PTPRD: variants seen among roughly 807,000 people sequenced by gnomAD.
PTPRD encodes receptor-type tyrosine-protein phosphatase delta.
Under a neutral mutation model 214.5 loss-of-function variants are expected in PTPRD, and 34 were observed. The ratio of observed to expected loss-of-function variants is 0.16; its 90% CI spans 0.12 to 0.21. The LOEUF (loss-of-function observed/expected upper bound fraction) is 0.21, where lower values mean the gene tolerates loss of function less well. PTPRD is among the 10% of genes least tolerant of loss of function. The probability of loss-of-function intolerance (pLI) is 1.00; values close to 1 mark genes in which losing one functional copy is unlikely to be tolerated. For missense variants in PTPRD, 2,545 were observed against 2,398.7 expected (o/e 1.06, Z -1.27); for synonymous variants, 1,128 against 845.7 (o/e 1.33, Z -5.79).
At position 10,330,727 on chromosome 9, in the gene PTPRD, G is replaced by T. The variant is rs10959050; in HGVS notation, c.-545+10236C>A. The stretch of plus-strand genomic sequence containing the variant: ...TTTACTCTCCAAAGGTGGATGTAGG[G>T]TGTTAGGCTCAGGAGCAGCTTGCAT... On this transcript the variant is annotated intron_variant, in intron 3 of 45. Transcript: ENST00000381196. 9.9e-5 allele frequency among the ~76,000 whole-genome samples: 15 copies of T among 151,652 alleles called. 1 individual carries two copies. The highest frequency in any genetic ancestry group is 3.1e-4 in the African/African-American group (13 of 41,392).
intron 5 of PTPRD, among the ~76,000 whole-genome samples, chr9:9,850,135 C>T (rs2060265125): frequency 6.6e-6 from 1 of 152,056 alleles, no homozygotes. Context: ...AACTTTAGAC[C>T]AAAAAGTTAC....
chr9:8,527,632 A>C (rs1405409892), intron 15 of PTPRD, among the ~76,000 whole-genome samples: 1 of 152,136 alleles, frequency 6.6e-6, no homozygotes, highest in African/African-American at 2.4e-5. Context: ...AGAATTCTAT[A>C]CCAATATTAC....
At chr9:9,563,231 A>T (rs571013346) in intron 8 of PTPRD, among the ~76,000 whole-genome samples, 1 of 152,302 alleles carries the variant, frequency 6.6e-6, no homozygotes, top group South Asian at 2.1e-4. Flanking sequence ...TATCCCGATA[A>T]GTTTGAAATG....
intron 8 of PTPRD, among the ~76,000 whole-genome samples, chr9:9,539,189 A>T (rs1377210782): frequency 1.3e-5 from 2 of 151,856 alleles, no homozygotes; most frequent in Non-Finnish European, 2.9e-5. Flanking sequence ...TTGAGACCTA[A>T]ATGAAAAGGA....
chr9:10,246,506 A>C (rs2092129407), intron 3 of PTPRD, among the ~76,000 whole-genome samples: 1 of 152,170 alleles, frequency 6.6e-6, no homozygotes, highest in African/African-American at 2.4e-5. Context: ...GGGGTACCAA[A>C]GTCCTGGGGG....
intron 9 of PTPRD, among the ~76,000 whole-genome samples, chr9:9,293,094 C>G (rs1289980638): frequency 6.6e-6 from 1 of 151,472 alleles, no homozygotes. Context: ...CTGTGCACAT[C>G]CCATATGGAA....
At chr9:10,596,000 A>T (rs1043085729) in intron 2 of PTPRD, among the ~76,000 whole-genome samples, 1 of 151,714 alleles carries the variant, frequency 6.6e-6, no homozygotes, top group East Asian at 1.9e-4. Context: ...TATTAAAGCT[A>T]TTTTCCTTTC....
chr9:10,277,895 A>G (rs974053027), intron 3 of PTPRD, among the ~76,000 whole-genome samples: 2 of 152,172 alleles, frequency 1.3e-5, no homozygotes, highest in Non-Finnish European at 2.9e-5. Context: ...TCGGTGGCTC[A>G]TGCCTGTAAT....
intron 9 of PTPRD, among the ~76,000 whole-genome samples, chr9:9,247,280 C>G (rs2099973481): frequency 6.6e-6 from 1 of 152,006 alleles, no homozygotes; most frequent in African/African-American, 2.4e-5. Context: ...TCTGGGTTTC[C>G]CAACTCAGTC....
At chr9:10,386,701 A>G (rs1478995315) in intron 2 of PTPRD, among the ~76,000 whole-genome samples, 1 of 151,328 alleles carries the variant, frequency 6.6e-6, no homozygotes, top group East Asian at 2.0e-4. Context: ...CAAAAAACAG[A>G]GAGAGAGAGA....
At chr9:10,487,679 A>G (rs559791582) in intron 2 of PTPRD, among the ~76,000 whole-genome samples, 16 of 151,580 alleles carry the variant, frequency 1.1e-4, no homozygotes, top group Admixed American at 2.6e-4. Context: ...AGGGAGGGGA[A>G]TGACACATAA....
intron 35 of PTPRD, among the ~76,000 whole-genome samples, chr9:8,411,280 T>C (rs1011589912): frequency 5.9e-5 from 9 of 151,768 alleles, no homozygotes; most frequent in African/African-American, 2.2e-4. Flanking sequence ...CTATATACTT[T>C]TTTAAAATTT....
intron 39 of PTPRD, among the ~76,000 whole-genome samples, chr9:8,374,337 G>C (rs1045587929): frequency 6.6e-6 from 1 of 151,880 alleles, no homozygotes; most frequent in African/African-American, 2.4e-5. Context: ...TTGGCTCTTT[G>C]AGGCCTGCAA....
chr9:9,456,937 T>C (rs911830169), intron 8 of PTPRD, among the ~76,000 whole-genome samples: 4 of 151,878 alleles, frequency 2.6e-5, no homozygotes, highest in African/African-American at 9.7e-5. Context: ...TAAAGAGTAG[T>C]GATAAATAAG....
At chr9:10,319,767 C>G (rs560686646) in intron 3 of PTPRD, among the ~76,000 whole-genome samples, 1 of 151,890 alleles carries the variant, frequency 6.6e-6, no homozygotes. Context: ...ATAAAGAGTA[C>G]TTAAAGAGAG....
chr9:9,257,908 C>G (rs938523202), intron 9 of PTPRD, among the ~76,000 whole-genome samples: 2 of 151,938 alleles, frequency 1.3e-5, no homozygotes, highest in Admixed American at 6.6e-5. Flanking sequence ...ATAGTGACTC[C>G]TGTATTGGCA....
intron 14 of PTPRD, among the ~76,000 whole-genome samples, chr9:8,584,183 AT>A: frequency 6.6e-6 from 1 of 152,172 alleles, no homozygotes; most frequent in Non-Finnish European, 1.5e-5. Flanking sequence ...AAAAAGTAAA[AT>A]AAAAATAAAT....
chr9:8,770,213 G>C (rs901912551), intron 11 of PTPRD, among the ~76,000 whole-genome samples: 4 of 151,988 alleles, frequency 2.6e-5, no homozygotes, highest in African/African-American at 4.8e-5. Flanking sequence ...ACCGGGAGAA[G>C]TGGAGGTTGC....
chr9:9,966,484 T>C (rs564813800), intron 4 of PTPRD, among the ~76,000 whole-genome samples: 22 of 152,270 alleles, frequency 1.4e-4, no homozygotes, highest in African/African-American at 2.4e-5. Flanking sequence ...CTAAGGGGTT[T>C]CAATGTGAAT....
Sources: allele counts gnomAD v4.1 joint callset (sites outside exome capture counted in the v4.1 genomes callset), GRCh38; gene constraint gnomAD v4.1.1; transcripts MANE v1.5; gene names NCBI Gene and HGNC (gene_info 2026-07-23, HGNC 2026-07-21).